DZIP3: variants seen among roughly 807,000 people sequenced by gnomAD.
DZIP3 encodes DAZ interacting zinc finger protein 3.
A neutral mutation model predicts 162.0 loss-of-function variants in DZIP3; 118 were observed. The ratio of observed to expected loss-of-function variants is 0.73; its 90% CI spans 0.63 to 0.85. The LOEUF (loss-of-function observed/expected upper bound fraction) is 0.85. Among genes scored for constraint, DZIP3 ranks in the 40% least tolerant of loss-of-function variants. The pLI, the probability that DZIP3 is intolerant of heterozygous loss-of-function variation, is 0.00. For missense variants in DZIP3, 1,331 were observed against 1,407.0 expected (o/e 0.95, Z 0.86); for synonymous variants, 438 against 458.6 (o/e 0.96, Z 0.57).
At position 108,689,402 on chromosome 3, in the gene DZIP3, T is replaced by C. The variant is rs543847625; in HGVS notation, c.3516+478T>C. ...GGCTTGAGTTTTGATGTTAGAAAAA[T>C]GTGAGGCATGGTGGCTCACACCTGT... is the stretch of plus-strand genomic sequence containing the variant. On this transcript the variant is annotated intron_variant, in intron 31 of 32. Transcript: ENST00000361582. 8.9e-4 allele frequency among the ~76,000 whole-genome samples: 136 copies of C among 152,242 alleles called. 3 individuals are homozygous for C. The highest frequency in any genetic ancestry group is 3.4e-3 in the Middle Eastern group (1 of 294).
At chr3:108,682,355 T>C (rs1944351628) in intron 26 of DZIP3, among the ~76,000 whole-genome samples, 1 of 151,080 alleles carries the variant, frequency 6.6e-6, no homozygotes, top group South Asian at 2.1e-4. Context: ...TTACCATTGC[T>C]AAGATATGTC....
At chr3:108,642,571 C>T in intron 13 of DZIP3, 57 bp downstream of exon 13, 2 of 1,389,948 alleles carry the variant, frequency 1.4e-6, no homozygotes, top group East Asian at 2.9e-5. Context: ...TTTTTGACTT[C>T]TCTGTCAACT....
At position 108,616,663 on chromosome 3, in the gene DZIP3, T is replaced by C. The variant is rs1342073392; in HGVS notation, c.375+6T>C. 4 of 1,559,942 alleles carry C rather than the reference T, an allele frequency of 2.6e-6. No individual in the cohort carries two copies. In the African/African-American group the frequency reaches 4.2e-5, roughly 16 times the overall value. On this transcript the variant is annotated splice_donor_region_variant and intron_variant, in intron 5 of 32. Transcript: ENST00000361582. ...TTCAAGCTGGCAATTATACCGTAAGTGTTTTCTTTTTGGAAATTTGATATA... is the reference window on the plus strand; with the variant it reads ...TTCAAGCTGGCAATTATACCGTAAGCGTTTTCTTTTTGGAAATTTGATATA...
At chr3:108,653,847 A>C (rs963631087) in intron 18 of DZIP3, among the ~76,000 whole-genome samples, 1 of 152,096 alleles carries the variant, frequency 6.6e-6, no homozygotes, top group Non-Finnish European at 1.5e-5. Flanking sequence ...AAAGCAACTG[A>C]TGTAACTAGT....
At position 108,687,948 on chromosome 3, in the gene DZIP3, G is replaced by T. The variant is rs79030742; in HGVS notation, c.3150-28G>T. ...AAAGGTACTAAGGAAAATCATTACT[G>T]CCCTTTCCTTTCCTTGATCTCTTGC... On this transcript the variant is annotated intron_variant, in intron 28 of 32. Coordinates refer to ENST00000361582, the MANE Select transcript of DZIP3 (RefSeq NM_014648.4). 1,165 of 1,612,720 alleles carry T rather than the reference G, an allele frequency of 7.2e-4. 8 individuals are homozygous for T. In the African/African-American group the frequency reaches 0.014, roughly 20 times the overall value.
chr3:108,658,358 A>C (rs548741434), intron 19 of DZIP3, among the ~76,000 whole-genome samples: 1 of 152,194 alleles, frequency 6.6e-6, no homozygotes, highest in South Asian at 2.1e-4. Context: ...GCTCAACTAC[A>C]TGGAAACTGA....
At chr3:108,692,625 G>A (rs1944739791) in intron 32 of DZIP3, among the ~76,000 whole-genome samples, 1 of 152,004 alleles carries the variant, frequency 6.6e-6, no homozygotes, top group Admixed American at 6.6e-5. Context: ...TTTCCCATGT[G>A]CCAGTATTTC....
chr3:108,673,498 C>T (rs1024219377), intron 23 of DZIP3, among the ~76,000 whole-genome samples: 1 of 151,898 alleles, frequency 6.6e-6, no homozygotes, highest in Non-Finnish European at 1.5e-5. Context: ...TGCTGTCCAA[C>T]AGTGTATTTT....
At position 108,688,930 on chromosome 3, in the gene DZIP3, A is replaced by T; in HGVS notation, c.3516+6A>T. The T allele has an allele frequency of 6.2e-7, 1 of 1,613,568 alleles. No individual in the cohort carries two copies. The highest frequency in any genetic ancestry group is 1.1e-5 in the South Asian group (1 of 91,056). Reference sequence around the variant, plus strand: ...CTCACAAATTCCATGCTCAGGTAACACTTTAAATTTTCCCATTAATCAGCT... The same window carrying T: ...CTCACAAATTCCATGCTCAGGTAACTCTTTAAATTTTCCCATTAATCAGCT... On this transcript the variant is annotated splice_donor_region_variant and intron_variant, in intron 31 of 32. Transcript: ENST00000361582.
rs756023023 is a variant in DZIP3, at chr3:108,684,222, C to T, written c.2890C>T (p.Gln964Ter). The change falls in exon 27 of 33, where the codon CAG becomes TAG. Residue 964 changes from glutamine (Q) to a stop codon, truncating the protein, a stop_gained. Coordinates refer to ENST00000361582, the MANE Select transcript of DZIP3 (RefSeq NM_014648.4). LOFTEE classifies it high-confidence loss of function. ...PPPSPEILMQ[Q>*]FLGRPLVKES... ...TTTATATTTTCTATTTTAGATGCAG[C>T]AGTTCTTAGGAAGACCTCTTGTGAA... 1.2e-6 allele frequency: 2 copies of T among 1,607,230 alleles called. No individual in the cohort carries two copies. The highest frequency in any genetic ancestry group is 2.2e-5 in the East Asian group (1 of 44,630).
rs752192115 is a variant in DZIP3 at position 108,629,094 on chromosome 3, G to A, written c.614G>A (p.Ser205Asn). The change falls in exon 8 of 33, where the codon AGC (serine) becomes AAC (asparagine). Residue 205 changes from serine (S) to asparagine (N), a missense_variant. By Grantham distance (46) the Ser-to-Asn change is conservative (BLOSUM62 1). Around this residue, in one of 2 missense-constraint regions of DZIP3, gnomAD observed 1,278 missense variants for 1,317.1 expected, o/e 0.97. Coordinates refer to ENST00000361582, the MANE Select transcript of DZIP3 (RefSeq NM_014648.4). ...YNGGLLEFHK[S>N]LQEIGDKNDH... ...GGAGGACTGCTAGAATTTCATAAAA[G>A]CTTACAAGAAATTGGAGACAAAAAT... 3 of 1,603,278 alleles carry A rather than the reference G, an allele frequency of 1.9e-6. No individual in the cohort carries two copies. The highest frequency in any genetic ancestry group is 2.3e-5 in the South Asian group (2 of 88,338).
chr3:108,643,071 G>C (rs900940401), intron 13 of DZIP3, among the ~76,000 whole-genome samples: 24 of 152,134 alleles, frequency 1.6e-4, no homozygotes, highest in African/African-American at 5.6e-4. Flanking sequence ...TGTGTCATTA[G>C]CTTTTTAACT....
intron 26 of DZIP3, among the ~76,000 whole-genome samples, chr3:108,682,494 G>A (rs1331923063): frequency 6.6e-6 from 1 of 150,836 alleles, no homozygotes; most frequent in African/African-American, 2.5e-5. Flanking sequence ...AGGACGTTAT[G>A]TTAAGTTAAA....
At chr3:108,619,078 A>G (rs1038096757) in intron 5 of DZIP3, among the ~76,000 whole-genome samples, 2 of 150,914 alleles carry the variant, frequency 1.3e-5, no homozygotes, top group African/African-American at 4.9e-5. Context: ...AAAAAAAAAA[A>G]AAAAAAAAGA....
Position 108,674,091 on chromosome 3 carries a change from A to T in DZIP3, c.2603A>T (p.Gln868Leu), listed in dbSNP as rs752808225. 2.5e-6 allele frequency: 4 copies of T among 1,611,586 alleles called. No homozygotes were observed. The Admixed American group carries it at 5.0e-5, about 20-fold the overall frequency. The change falls in exon 24 of 33, where the codon CAG becomes CTG. Residue 868 changes from glutamine (Q) to leucine (L), a missense_variant. By Grantham distance (113) the Gln-to-Leu change is moderately radical. This residue lies in a region of DZIP3 where 1,278 missense variants were observed against 1,317.1 expected (regional missense o/e 0.97). Transcript: ENST00000361582. ...AAAAACCTGTAGGTGTATTTCTTAC[A>T]GTGTCGTAGGGATTTTGGTTTGCTT... ...RALTAEVYFL[Q>L]CRRDFGLLHL...
chr3:108,594,771 G>A (rs564937543), intron 1 of DZIP3, among the ~76,000 whole-genome samples: 4 of 152,054 alleles, frequency 2.6e-5, no homozygotes, highest in Middle Eastern at 3.4e-3. Context: ...ACATGATCTC[G>A]TTCTTTTTTA....
chr3:108,654,155 G>T lies in DZIP3; in HGVS notation c.2044G>T (p.Val682Leu). 1.2e-6 allele frequency: 2 copies of T among 1,613,188 alleles called. No homozygotes were observed. Among genetic ancestry groups the T allele is most frequent in the Non-Finnish European group, 1.7e-6 (2 of 1,179,522 alleles). Residue 682 changes from valine to leucine, a missense_variant, in exon 19 of 33, where the codon GTA becomes TTA. Transcript: ENST00000361582. ...ATGTCACGACTACAGCCCATATGTG[G>T]TAGAAAAGGAAGAGCAGTTGAGGAA... ...DSKEDQVPYV[V>L]EKEEQLRKEQ...
chr3:108,689,071 A>G (rs941283290), intron 31 of DZIP3, 147 bp downstream of exon 31: 1 of 763,848 alleles, frequency 1.3e-6, no homozygotes, highest in Non-Finnish European at 2.2e-6. Context: ...AGAAACATTT[A>G]TGCTTTTCCC....
Position 108,644,509 on chromosome 3 carries a change from T to A in DZIP3, c.1487T>A (p.Ile496Asn). ...AATATGGAACCGCCATCTTCTGACA[T>A]CTCTAAATCTGCAGACATCCTGAGA... ...GWNMEPPSSD[I>N]SKSADILRLC... is the part of the protein sequence containing the mutation. The change falls in exon 14 of 33, where the codon ATC (isoleucine) becomes AAC (asparagine). Residue 496 changes from isoleucine to asparagine, a missense_variant. Ile to Asn is a moderately radical substitution (Grantham distance 149). Coordinates refer to ENST00000361582, the MANE Select transcript of DZIP3 (RefSeq NM_014648.4). 6.2e-7 allele frequency: 1 copy of A among 1,614,130 alleles called. No individual in the cohort carries two copies. Among genetic ancestry groups the A allele is most frequent in the Admixed American group, 1.7e-5 (1 of 60,014 alleles).
Sources: allele counts gnomAD v4.1 joint callset (sites outside exome capture counted in the v4.1 genomes callset), GRCh38; gene constraint gnomAD v4.1.1; regional missense constraint gnomAD v4.1.1; transcripts MANE v1.5; gene names NCBI Gene and HGNC (gene_info 2026-07-23, HGNC 2026-07-21).